The following CD109 variants were observed in gnomAD, a reference collection of about 807,000 sequenced individuals.
CD109 encodes the protein CD109 molecule, also known as CD109 antigen.
A neutral mutation model predicts 165.8 loss-of-function variants in CD109; 149 were observed. The observed-to-expected ratio is 0.90, with a 90% CI of 0.79 to 1.03. CD109 has a LOEUF of 1.03. CD109 is among the 50% of genes least tolerant of loss of function. The pLI, the probability that CD109 is intolerant of heterozygous loss-of-function variation, is 0.00. For missense variants in CD109, 1,712 were observed against 1,677.8 expected (o/e 1.02, Z -0.36); for synonymous variants, 585 against 592.1 (o/e 0.99, Z 0.18).
intron 2 of CD109, among the ~76,000 whole-genome samples, chr6:73,706,605 G>A (rs1003981975): frequency 5.3e-5 from 8 of 152,124 alleles, no homozygotes; most frequent in African/African-American, 1.4e-4. Flanking sequence ...CACTTACCTC[G>A]GAGAATTCTA....
chr6:73,762,616 T>G (rs1380552380), intron 8 of CD109, 125 bp from the exon 9 acceptor site: 6 of 976,816 alleles, frequency 6.1e-6, no homozygotes, highest in Non-Finnish European at 9.1e-6. Context: ...CAAATGAGAA[T>G]TTATGCAATT....
intron 2 of CD109, among the ~76,000 whole-genome samples, chr6:73,704,990 A>T (rs568341210): frequency 3.3e-5 from 5 of 152,326 alleles, no homozygotes; most frequent in Admixed American, 3.3e-4. Flanking sequence ...ACCTCTGCTG[A>T]CATATTTGGC....
chr6:73,825,715 C>G lies in CD109; in HGVS notation c.*2082C>G, dbSNP rs996406106. On this transcript the variant is annotated 3_prime_UTR_variant, in exon 33 of 33. Transcript: ENST00000287097. ...ACCTCGTAGGCCAGGCGCAGTGGCT[C>G]ATGCCTGTAATCCCAGCACTCTGGG... 1 of 152,234 alleles carries G rather than the reference C, an allele frequency of 6.6e-6. No individual in the cohort carries two copies. The highest frequency in any genetic ancestry group is 1.5e-5 in the Non-Finnish European group (1 of 68,074). 9.4% of individuals were successfully genotyped at this position (152,234 alleles called of 1,614,324 possible). A position where few individuals can be genotyped will look rare whatever the true frequency, so the allele number is the denominator to read the frequency against.
At chr6:73,700,269 A>G (rs1771015343) in intron 2 of CD109, among the ~76,000 whole-genome samples, 1 of 148,246 alleles carries the variant, frequency 6.7e-6, no homozygotes, top group African/African-American at 2.5e-5. Flanking sequence ...TTTTTTTTGT[A>G]GAGATGGGGT....
chr6:73,743,113 A>G (rs895271408), intron 5 of CD109, among the ~76,000 whole-genome samples: 9 of 152,276 alleles, frequency 5.9e-5, no homozygotes, highest in Middle Eastern at 3.4e-3. Flanking sequence ...TTTTTAGGTA[A>G]TCAGCTCAGT....
Position 73,788,469 on chromosome 6 carries a change from C to T in CD109, c.2558C>T (p.Ala853Val), listed in dbSNP as rs1774783484. The T allele has an allele frequency of 6.2e-7, 1 of 1,608,502 alleles. No homozygotes were observed. Among genetic ancestry groups the T allele is most frequent in the Non-Finnish European group, 8.5e-7 (1 of 1,178,538 alleles). Reference sequence around the variant, plus strand: ...AATTGTGTTCATTTTTTTCAACAGGCTGAAGGAATAGAAAAATCATATTCA... The same window carrying T: ...AATTGTGTTCATTTTTTTCAACAGGTTGAAGGAATAGAAAAATCATATTCA... Reference protein sequence around the residue: ...DAVTQMILVKAEGIEKSYSQS... With the variant: ...DAVTQMILVKVEGIEKSYSQS... Residue 853 changes from alanine (A) to valine (V), a missense_variant and splice_region_variant, in exon 22 of 33, where the codon GCT becomes GTT. Transcript: ENST00000287097.
intron 23 of CD109, 29 bp downstream of exon 23, chr6:73,792,831 C>A: frequency 1.9e-6 from 3 of 1,563,600 alleles, no homozygotes; most frequent in South Asian, 1.2e-5. Context: ...TACATTTGTT[C>A]GTAGAAAAAA....
At chr6:73,773,142 A>T (rs1774107511) in intron 15 of CD109, among the ~76,000 whole-genome samples, 1 of 150,880 alleles carries the variant, frequency 6.6e-6, no homozygotes, top group Admixed American at 6.6e-5. Flanking sequence ...CACACACCCC[A>T]TCTGATGTGC....
At position 73,730,547 on chromosome 6, in the gene CD109, C is replaced by G. The variant is rs764481178; in HGVS notation, c.480C>G (p.Tyr160Ter). The change falls in exon 4 of 33, where the codon TAC becomes TAG. Residue 160 changes from tyrosine (Y) to a stop codon, truncating the protein, a stop_gained. Coordinates refer to ENST00000287097, the MANE Select transcript of CD109 (RefSeq NM_133493.5). LOFTEE classifies it high-confidence loss of function. ...IVTLFSDFKPYKTSLNILIKD... is the reference protein window; with the variant it reads ...IVTLFSDFKP ...CACTCTTCTCAGATTTTAAGCCTTACAAAACCTCTTTAAACATTCTCATTA... is the reference window on the plus strand; with the variant it reads ...CACTCTTCTCAGATTTTAAGCCTTAGAAAACCTCTTTAAACATTCTCATTA... 1.9e-6 allele frequency: 3 copies of G among 1,612,948 alleles called. No individual in the cohort carries two copies. In the South Asian group the frequency reaches 3.3e-5, roughly 18 times the overall value.
chr6:73,725,061 T>C (rs1416096491), intron 3 of CD109, among the ~76,000 whole-genome samples: 17 of 152,184 alleles, frequency 1.1e-4, no homozygotes, highest in African/African-American at 4.1e-4. Flanking sequence ...TGTACTTTCT[T>C]TCCTAAGAAA....
At chr6:73,802,284 T>C (rs1471557067) in intron 23 of CD109, among the ~76,000 whole-genome samples, 2 of 105,996 alleles carry the variant, frequency 1.9e-5, no homozygotes, top group African/African-American at 7.5e-5. Context: ...TGTGTGTGTG[T>C]GTGTGTATAT....
At position 73,791,148 on chromosome 6, in the gene CD109, T is replaced by TACACATACAC. The variant is rs1562070872; in HGVS notation, c.2702-1477_2702-1476insCACATACACA. Among the ~76,000 whole-genome samples the TACACATACAC allele has an allele frequency of 9.4e-5, 3 of 31,834 alleles. No homozygotes were observed. In the Admixed American group the frequency reaches 1.4e-3, roughly 15 times the overall value. The allele number at this position is 31,834 out of a possible 152,430, so 20.9% of individuals were successfully genotyped here. ...ATATACATACATACATATATATATA[T>TACACATACAC]ATATATATATATATATATATATATA... On this transcript the variant is annotated intron_variant, in intron 22 of 32. Transcript: ENST00000287097.
intron 5 of CD109, among the ~76,000 whole-genome samples, chr6:73,746,410 C>A (rs751474443): frequency 1.3e-5 from 2 of 152,162 alleles, no homozygotes; most frequent in Non-Finnish European, 2.9e-5. Flanking sequence ...CTATTCAGTA[C>A]AAACCTGTAG....
chr6:73,718,966 TG>T (rs1343220146), intron 2 of CD109, among the ~76,000 whole-genome samples: 1 of 152,216 alleles, frequency 6.6e-6, no homozygotes, highest in African/African-American at 2.4e-5. Flanking sequence ...CATAAGTTAT[TG>T]GCAATTTTCT....
At chr6:73,737,990 T>C (rs1489067372) in intron 5 of CD109, among the ~76,000 whole-genome samples, 1 of 152,122 alleles carries the variant, frequency 6.6e-6, no homozygotes, top group African/African-American at 2.4e-5. Flanking sequence ...CCAGTATGTG[T>C]TAAGGACTTT....
chr6:73,808,736 G>T (rs6453701), intron 26 of CD109, among the ~76,000 whole-genome samples: 42,696 of 151,692 alleles, frequency 0.28, 6,226 homozygotes, highest in Admixed American at 0.35. Flanking sequence ...TAAAAGAAAT[G>T]TGAATACCAA....
rs367766050 is a variant in CD109 at position 73,791,382 on chromosome 6, A to G, written c.2702-1244A>G. ...CTGGCCAATTCTTAAAAGGAATTAA[A>G]TAAGCTCTCTATTTAGGGGAATAAA... On this transcript the variant is annotated intron_variant, in intron 22 of 32. Transcript: ENST00000287097. 1.4e-4 allele frequency among the ~76,000 whole-genome samples: 21 copies of G among 151,502 alleles called. No homozygotes were observed. In the South Asian group the frequency reaches 4.4e-3, roughly 32 times the overall value.
chr6:73,716,586 A>T (rs1771752991), intron 2 of CD109, among the ~76,000 whole-genome samples: 1 of 152,172 alleles, frequency 6.6e-6, no homozygotes, highest in Non-Finnish European at 1.5e-5. Context: ...TCTTCTTTCG[A>T]GAAATGTCTA....
intron 2 of CD109, among the ~76,000 whole-genome samples, chr6:73,707,136 C>G (rs1386512134): frequency 6.6e-6 from 1 of 152,184 alleles, no homozygotes; most frequent in Admixed American, 6.5e-5. Flanking sequence ...GCCGTGTTGA[C>G]AGTTTCAAAG....
Sources: gnomAD v4.1 joint callset for allele counts (sites outside exome capture counted in the v4.1 genomes callset) on GRCh38, gnomAD v4.1.1 for gene constraint, MANE v1.5 for transcripts, NCBI Gene and HGNC (gene_info 2026-07-23, HGNC 2026-07-21) for gene names.